The following NEK1 variants were observed in gnomAD, a reference collection of about 807,000 sequenced individuals.
The protein encoded by NEK1 is serine/threonine-protein kinase Nek1.
A neutral mutation model predicts 182.1 loss-of-function variants in NEK1; 137 were observed. That is an observed-to-expected ratio of 0.75 (90% CI 0.65 to 0.87). The LOEUF is 0.87. Among genes scored for constraint, NEK1 ranks in the 40% least tolerant of loss-of-function variants. NEK1 has a pLI of 0.00. For missense variants in NEK1, 1,391 were observed against 1,494.4 expected (o/e 0.93, Z 1.14); for synonymous variants, 513 against 492.2 (o/e 1.04, Z -0.56).
At chr4:169,495,817 A>G (rs1751143179) in intron 23 of NEK1, among the ~76,000 whole-genome samples, 1 of 152,134 alleles carries the variant, frequency 6.6e-6, no homozygotes, top group Non-Finnish European at 1.5e-5. Context: ...CTTGTAGTAT[A>G]GTTTGAAGTC....
At chr4:169,402,541 A>G (rs1731863031) in intron 32 of NEK1, among the ~76,000 whole-genome samples, 1 of 152,204 alleles carries the variant, frequency 6.6e-6, no homozygotes, top group African/African-American at 2.4e-5. Context: ...TTTTGTTTCC[A>G]AAGTATTGGT....
intron 30 of NEK1, among the ~76,000 whole-genome samples, chr4:169,425,906 A>G (rs1371775422): frequency 6.6e-6 from 1 of 152,208 alleles, no homozygotes; most frequent in African/African-American, 2.4e-5. Context: ...TTGGCAAGTA[A>G]TTCTTTTCAT....
rs1272999459 is a variant in NEK1 at position 169,401,715 on chromosome 4, C to G, written c.3520G>C (p.Asp1174His). Residue 1174 changes from aspartate to histidine, a missense_variant, in exon 33 of 36, where the codon GAT becomes CAT. By Grantham distance (81) the Asp-to-His change is moderately conservative. Around this residue, in one of 5 missense-constraint regions of NEK1, gnomAD observed 1,216 missense variants for 1,277.6 expected, o/e 0.95. Transcript: ENST00000507142. ...SDVEPTANGT[D>H]VADEDDNPSS... ...GGATTGTCATCTTCATCTGCCACAT[C>G]TGTCCCATTTGCAGTTGGCTCCACA... 1 of 1,613,968 alleles carries G rather than the reference C, an allele frequency of 6.2e-7. No individual in the cohort carries two copies. Among genetic ancestry groups the G allele is most frequent in the Non-Finnish European group, 8.5e-7 (1 of 1,179,836 alleles).
intron 2 of NEK1, among the ~76,000 whole-genome samples, chr4:169,609,354 A>G (rs1771928810): frequency 6.6e-6 from 1 of 152,192 alleles, no homozygotes; most frequent in African/African-American, 2.4e-5. Flanking sequence ...CTAGCAATTT[A>G]CCCTACAAAT....
intron 28 of NEK1, 117 bp downstream of exon 28, chr4:169,437,966 C>A: frequency 1.3e-6 from 1 of 758,230 alleles, no homozygotes; most frequent in East Asian, 2.9e-5. Flanking sequence ...AAATACTGAA[C>A]CTAATTTGAG....
At chr4:169,493,175 T>C (rs117432190) in intron 23 of NEK1, among the ~76,000 whole-genome samples, 1 of 152,092 alleles carries the variant, frequency 6.6e-6, no homozygotes, top group East Asian at 1.9e-4. Context: ...CACACAAACC[T>C]ACCTGCAACC....
intron 24 of NEK1, chr4:169,478,332 A>G (rs780850482): frequency 6.6e-6 from 1 of 152,106 alleles, no homozygotes; most frequent in Non-Finnish European, 1.5e-5. Context: ...ATATGAAGCA[A>G]TGAGACAAAG....
intron 18 of NEK1, among the ~76,000 whole-genome samples, chr4:169,538,354 G>A (rs189449631): frequency 6.8e-4 from 104 of 152,162 alleles, no homozygotes; most frequent in African/African-American, 2.1e-3. Context: ...CTTTAAGTAT[G>A]AATTTTCAAA....
chr4:169,596,023 C>T lies in NEK1; in HGVS notation c.312+3077G>A, dbSNP rs1769427679. 2.6e-5 allele frequency among the ~76,000 whole-genome samples: 4 copies of T among 151,610 alleles called. No individual in the cohort carries two copies. In the South Asian group the frequency reaches 6.2e-4, roughly 24 times the overall value. On this transcript the variant is annotated intron_variant, in intron 5 of 35. Coordinates refer to ENST00000507142, the MANE Select transcript of NEK1 (RefSeq NM_001199397.3). ...TATCTAACTTACAGGGTCCCTGCGT[C>T]GTAAATGGTAAAGTCACTTTCTAGC...
chr4:169,504,946 T>G (rs1350182748), intron 23 of NEK1, among the ~76,000 whole-genome samples: 1 of 152,162 alleles, frequency 6.6e-6, no homozygotes, highest in Non-Finnish European at 1.5e-5. Flanking sequence ...CTAACGTGAT[T>G]AGTTTGCATT....
At chr4:169,396,131 C>T (rs1460369912) in intron 35 of NEK1, among the ~76,000 whole-genome samples, 6 of 151,748 alleles carry the variant, frequency 4.0e-5, no homozygotes, top group Admixed American at 6.6e-5. Context: ...TTTGGGAGAC[C>T]GAGGCAGACA....
chr4:169,399,605 T>A (rs928312445), intron 35 of NEK1, among the ~76,000 whole-genome samples: 4 of 152,070 alleles, frequency 2.6e-5, no homozygotes, highest in Admixed American at 2.6e-4. Context: ...TATTCTAAGT[T>A]ATAATCTTCT....
At chr4:169,575,961 ATTTCT>A (rs2150029310) in intron 12 of NEK1, among the ~76,000 whole-genome samples, 1 of 150,690 alleles carries the variant, frequency 6.6e-6, no homozygotes, top group East Asian at 1.9e-4. Context: ...ATTTTTCTAA[ATTTCT>A]TTTTTGTTTT....
At position 169,457,065 on chromosome 4, in the gene NEK1, G is replaced by A. The variant is rs569658194; in HGVS notation, c.2587+6178C>T. Among the ~76,000 whole-genome samples the A allele has an allele frequency of 2.1e-4, 32 of 152,258 alleles. No individual in the cohort carries two copies. In the South Asian group the frequency reaches 3.3e-3, roughly 16 times the overall value. ...TGGTAGTTACTAGAGGCTAGGAAGG[G>A]TGGTGGTGGTGGGTGGTGGGGGATG... On this transcript the variant is annotated intron_variant, in intron 27 of 35. Transcript: ENST00000507142.
At chr4:169,482,522 T>C (rs945070208) in intron 23 of NEK1, among the ~76,000 whole-genome samples, 2 of 151,806 alleles carry the variant, frequency 1.3e-5, no homozygotes, top group Admixed American at 6.6e-5. Context: ...ATGTCATCCA[T>C]GCTAGTCTCA....
At chr4:169,569,626 C>T (rs945511391) in intron 12 of NEK1, among the ~76,000 whole-genome samples, 8 of 152,096 alleles carry the variant, frequency 5.3e-5, no homozygotes, top group East Asian at 1.9e-4. Flanking sequence ...CGAGTGCCTG[C>T]GATTGCAGGC....
chr4:169,508,170 G>C (rs1444091782), intron 21 of NEK1, 78 bp downstream of exon 21: 2 of 1,256,596 alleles, frequency 1.6e-6, no homozygotes, highest in Admixed American at 2.8e-5. Context: ...TGTCGTTGTT[G>C]TTAATGGCAC....
chr4:169,457,740 AGGAGAGGAGG>A (rs1247048132), intron 27 of NEK1, among the ~76,000 whole-genome samples: 1 of 100,210 alleles, frequency 1.0e-5, no homozygotes, highest in Non-Finnish European at 1.9e-5. Context: ...AGGAGGAGAA[AGGAGAGGAGG>A]GGAGGGGAGG....
chr4:169,554,315 G>A (rs1413945125), intron 18 of NEK1: 1 of 152,006 alleles, frequency 6.6e-6, no homozygotes, highest in Non-Finnish European at 1.5e-5. Flanking sequence ...CTGTTCAGGA[G>A]GCTGAGGTGG....
Sources: allele counts gnomAD v4.1 joint callset (sites outside exome capture counted in the v4.1 genomes callset), GRCh38; gene constraint gnomAD v4.1.1; regional missense constraint gnomAD v4.1.1; transcripts MANE v1.5; gene names NCBI Gene and HGNC (gene_info 2026-07-23, HGNC 2026-07-21).